ADAMTSL1: variants seen among roughly 807,000 people sequenced by gnomAD.
ADAMTSL1 encodes ADAMTS like 1, also known as ADAMTS-like protein 1.
A neutral mutation model predicts 201.8 loss-of-function variants in ADAMTSL1; 126 were observed. That is an observed-to-expected ratio of 0.62 (90% CI 0.54 to 0.72). The LOEUF is 0.72. Ranked by LOEUF, ADAMTSL1 falls within the 30% of genes least tolerant of loss-of-function variation. The pLI, the probability that ADAMTSL1 is intolerant of heterozygous loss-of-function variation, is 0.00. For synonymous variants in ADAMTSL1, 1,121 were observed against 903.4 expected (o/e 1.24, Z -4.32); for missense variants, 2,679 against 2,277.8 (o/e 1.18, Z -3.59).
At chr9:18,109,647 A>G (rs762291466) in intron 1 of ADAMTSL1, among the ~76,000 whole-genome samples, 1 of 152,074 alleles carries the variant, frequency 6.6e-6, no homozygotes, top group Non-Finnish European at 1.5e-5. Flanking sequence ...ATTCATGGTA[A>G]TAACAAAACA....
chr9:18,466,169 G>T (rs1385267890), intron 2 of ADAMTSL1, among the ~76,000 whole-genome samples: 1 of 152,158 alleles, frequency 6.6e-6, no homozygotes, highest in East Asian at 1.9e-4. Context: ...CAGTTTCTGT[G>T]CCAGGAAAAC....
At chr9:18,750,496 T>A (rs1819412171) in intron 15 of ADAMTSL1, among the ~76,000 whole-genome samples, 1 of 152,246 alleles carries the variant, frequency 6.6e-6, no homozygotes, top group African/African-American at 2.4e-5. Context: ...TGTGAATATA[T>A]CATAATTTTT....
chr9:18,904,000 C>T (rs1830153034), intron 26 of ADAMTSL1, among the ~76,000 whole-genome samples: 1 of 151,758 alleles, frequency 6.6e-6, no homozygotes, highest in Admixed American at 6.6e-5. Context: ...ACTATGTTGT[C>T]CAGGCTGGAG....
chr9:18,312,092 T>C (rs1406501399), intron 2 of ADAMTSL1, among the ~76,000 whole-genome samples: 1 of 152,166 alleles, frequency 6.6e-6, no homozygotes, highest in Non-Finnish European at 1.5e-5. Context: ...GACAAATAGT[T>C]TAGTATAAAA....
intron 3 of ADAMTSL1, among the ~76,000 whole-genome samples, chr9:18,567,491 G>C (rs1821993759): frequency 6.6e-6 from 1 of 152,140 alleles, no homozygotes; most frequent in East Asian, 1.9e-4. Context: ...GGCCTGAAGA[G>C]TATAGAGTTG....
At chr9:18,808,184 A>G (rs564255204) in intron 20 of ADAMTSL1, among the ~76,000 whole-genome samples, 9 of 152,358 alleles carry the variant, frequency 5.9e-5, no homozygotes, top group African/African-American at 2.2e-4. Context: ...ACCTGCCTCC[A>G]TAACAGAATC....
chr9:18,116,271 T>A (rs1397455017), intron 1 of ADAMTSL1, among the ~76,000 whole-genome samples: 2 of 152,160 alleles, frequency 1.3e-5, no homozygotes, highest in Non-Finnish European at 2.9e-5. Flanking sequence ...ACAGATTGTC[T>A]TTAGAGATCC....
chr9:18,002,948 AC>A (rs1194795476), intron 1 of ADAMTSL1, among the ~76,000 whole-genome samples: 1 of 151,974 alleles, frequency 6.6e-6, no homozygotes, highest in Non-Finnish European at 1.5e-5. Context: ...CCCACTGCCA[AC>A]CTTTGACCTT....
chr9:18,317,202 G>T (rs187173834), intron 2 of ADAMTSL1, among the ~76,000 whole-genome samples: 6 of 152,200 alleles, frequency 3.9e-5, no homozygotes, highest in Non-Finnish European at 2.9e-5. Flanking sequence ...CATAGAAGCA[G>T]AGAGTAAAAC....
chr9:18,041,620 C>T (rs893298770), intron 1 of ADAMTSL1, among the ~76,000 whole-genome samples: 1 of 152,106 alleles, frequency 6.6e-6, no homozygotes, highest in African/African-American at 2.4e-5. Flanking sequence ...AAATTAAGAA[C>T]TCTATGGAGC....
intron 3 of ADAMTSL1, among the ~76,000 whole-genome samples, chr9:18,561,537 A>G (rs768997421): frequency 9.2e-5 from 14 of 152,304 alleles, no homozygotes; most frequent in Non-Finnish European, 1.9e-4. Flanking sequence ...ATAGATGTCT[A>G]TTAGGTCCAT....
At chr9:18,000,232 G>C (rs566944424) in intron 1 of ADAMTSL1, among the ~76,000 whole-genome samples, 1 of 151,386 alleles carries the variant, frequency 6.6e-6, no homozygotes, top group Non-Finnish European at 1.5e-5. Flanking sequence ...CAGTGTAAAA[G>C]TGTTCCTATT....
At chr9:17,917,859 G>T (rs34869357) in intron 1 of ADAMTSL1, among the ~76,000 whole-genome samples, 14,085 of 151,832 alleles carry the variant, frequency 0.093, 749 homozygotes, top group South Asian at 0.22. Context: ...AATAGATATG[G>T]GGCTATTAGG....
At chr9:18,554,077 A>G (rs1489927263) in intron 3 of ADAMTSL1, among the ~76,000 whole-genome samples, 1 of 151,634 alleles carries the variant, frequency 6.6e-6, no homozygotes, top group Non-Finnish European at 1.5e-5. Flanking sequence ...CTCATTTAAC[A>G]ATATCTCTTC....
chr9:17,949,068 C>G (rs1240553632), intron 1 of ADAMTSL1, among the ~76,000 whole-genome samples: 1 of 152,150 alleles, frequency 6.6e-6, no homozygotes, highest in Non-Finnish European at 1.5e-5. Flanking sequence ...TCTGAAAACC[C>G]TAAGTATAGA....
intron 24 of ADAMTSL1, among the ~76,000 whole-genome samples, chr9:18,889,080 A>C (rs1349908943): frequency 2.0e-5 from 3 of 152,120 alleles, no homozygotes; most frequent in Non-Finnish European, 4.4e-5. Context: ...GTAAATAAGC[A>C]CTCTCTGCAT....
At chr9:18,610,906 C>T (rs887590350) in intron 4 of ADAMTSL1, among the ~76,000 whole-genome samples, 1 of 152,052 alleles carries the variant, frequency 6.6e-6, no homozygotes, top group African/African-American at 2.4e-5. Flanking sequence ...AAATTATGGA[C>T]CATATCTGGA....
chr9:18,850,142 G>A (rs1207399542), intron 23 of ADAMTSL1, among the ~76,000 whole-genome samples: 2 of 152,192 alleles, frequency 1.3e-5, no homozygotes, highest in African/African-American at 2.4e-5. Flanking sequence ...ATTTAAAGAC[G>A]CTAGATAGGA....
intron 2 of ADAMTSL1, among the ~76,000 whole-genome samples, chr9:18,524,512 T>C (rs1375530241): frequency 6.6e-6 from 1 of 152,194 alleles, no homozygotes; most frequent in African/African-American, 2.4e-5. Flanking sequence ...CATCCCTGTT[T>C]TGTGCCAGTT....
Sources: allele counts gnomAD v4.1 joint callset (sites outside exome capture counted in the v4.1 genomes callset), GRCh38; gene constraint gnomAD v4.1.1; transcripts MANE v1.5; gene names NCBI Gene and HGNC (gene_info 2026-07-23, HGNC 2026-07-21).